GPAM: variants seen among roughly 807,000 people sequenced by gnomAD.
GPAM encodes the protein glycerol-3-phosphate acyltransferase 1, mitochondrial.
GPAM carries 56 observed loss-of-function variants against 105.0 expected under a neutral mutation model. The observed-to-expected ratio is 0.53, with a 90% CI of 0.43 to 0.67. GPAM has a LOEUF of 0.67. Among genes scored for constraint, GPAM ranks in the 30% least tolerant of loss-of-function variants. The pLI is 0.00. For synonymous variants in GPAM, 368 were observed against 354.4 expected, an observed-to-expected ratio of 1.04 and a Z score of -0.43; for missense variants, 855 against 989.8, an observed-to-expected ratio of 0.86 and a Z score of 1.83.
intron 17 of GPAM, among the ~76,000 whole-genome samples, chr10:112,159,459 G>A (rs112552569): frequency 0.018 from 2,759 of 152,012 alleles, 83 homozygotes; most frequent in African/African-American, 0.063. Context: ...TCCTGACCTC[G>A]TGATCTGCCC....
intron 1 of GPAM, among the ~76,000 whole-genome samples, chr10:112,213,098 T>C (rs185735551): frequency 6.6e-6 from 1 of 152,322 alleles, no homozygotes; most frequent in East Asian, 1.9e-4. Flanking sequence ...GCTTGGGACA[T>C]GGTCAGTGCT....
chr10:112,220,507 T>C, the GPAM span, among the ~76,000 whole-genome samples: 2 of 152,212 alleles, frequency 1.3e-5, no homozygotes, highest in East Asian at 3.8e-4. Context: ...TGCTTTTAGC[T>C]ATATGTGTTT....
upstream of GPAM, among the ~76,000 whole-genome samples, chr10:112,185,771 TCAAAAA>T (rs1036717054): frequency 1.4e-4 from 21 of 151,970 alleles, no homozygotes; most frequent in African/African-American, 4.6e-4. Flanking sequence ...AGACTCTGTC[TCAAAAA>T]CAAAAACAAA....
chr10:112,166,595 T>C, intron 11 of GPAM, 80 bp from the exon 12 acceptor site: 2 of 840,898 alleles, frequency 2.4e-6, no homozygotes, highest in Non-Finnish European at 2.1e-6. Context: ...ACAGAATAAC[T>C]TGTTTTATGG....
At position 112,153,586 on chromosome 10, in the gene GPAM, T is replaced by C; in HGVS notation, c.2451A>G (p.Lys817=). 6.2e-7 allele frequency: 1 copy of C among 1,614,002 alleles called. No homozygotes were observed. Among genetic ancestry groups the C allele is most frequent in the Non-Finnish European group, 8.5e-7 (1 of 1,179,916 alleles). ...CAAAACTCAGAATATATTCTAGAAG[T>C]TTTTGTCGGTTGCATTGAGGTAGAA... ...STFLPQCNRQ[K]LLEYILSFVV... is the part of the protein sequence containing the mutation. The change falls in exon 22 of 22, where the codon AAA becomes AAG. Residue 817 remains lysine (K), a synonymous_variant. Coordinates refer to ENST00000348367, the MANE Select transcript of GPAM (RefSeq NM_001244949.2).
chr10:112,159,216 C>CTTTTTT (rs35513817), intron 17 of GPAM, among the ~76,000 whole-genome samples: 95 of 86,950 alleles, frequency 1.1e-3, no homozygotes, highest in African/African-American at 2.4e-3. Context: ...AGATGATTTT[C>CTTTTTT]TTTTTTTTTT....
At chr10:112,158,435 T>C (rs759828328) in intron 17 of GPAM, 42 bp from the exon 18 acceptor site, 22 of 1,234,172 alleles carry the variant, frequency 1.8e-5, no homozygotes, top group Non-Finnish European at 2.5e-5. Flanking sequence ...CACCATTTTA[T>C]ACTTCTTTTT....
intron 1 of GPAM, among the ~76,000 whole-genome samples, chr10:112,213,201 A>G (rs1564692840): frequency 6.6e-6 from 1 of 152,118 alleles, no homozygotes; most frequent in Non-Finnish European, 1.5e-5. Context: ...TTCATTTCTC[A>G]CTGGCTCTTT....
intron 11 of GPAM, 151 bp downstream of exon 11, chr10:112,168,161 C>T: frequency 1.5e-6 from 1 of 667,044 alleles, no homozygotes; most frequent in Non-Finnish European, 2.7e-6. Flanking sequence ...ATGAAAGCTA[C>T]TCACCATGCC....
chr10:112,223,162 T>A, the GPAM span, among the ~76,000 whole-genome samples: 5 of 152,164 alleles, frequency 3.3e-5, no homozygotes, highest in African/African-American at 1.2e-4. Context: ...CTCTCTCCTT[T>A]CACAGGACTC....
In GPAM at chr10:112,172,321, A is replaced by G. The variant is rs1457253913; in HGVS notation, c.658-3T>C. ...AGAAACAGAAGCGGCAAATTCGTCT[A>G]GCAAAGGGAAAAATGCCAAATTTAA... On this transcript the variant is annotated splice_polypyrimidine_tract_variant and splice_region_variant and intron_variant, in intron 8 of 21. Coordinates refer to ENST00000348367, the MANE Select transcript of GPAM (RefSeq NM_001244949.2). The G allele has an allele frequency of 6.2e-7, 1 of 1,612,576 alleles. No individual in the cohort carries two copies. The highest frequency in any genetic ancestry group is 1.3e-5 in the African/African-American group (1 of 74,900).
chr10:112,181,303 A>G (rs2133268281), intron 3 of GPAM, among the ~76,000 whole-genome samples: 1 of 152,164 alleles, frequency 6.6e-6, no homozygotes, highest in South Asian at 2.1e-4. Context: ...GATTGAATTC[A>G]TACTATAAGT....
chr10:112,162,675 A>G (rs1181480258), intron 14 of GPAM, among the ~76,000 whole-genome samples: 1 of 152,186 alleles, frequency 6.6e-6, no homozygotes, highest in African/African-American at 2.4e-5. Flanking sequence ...AAAAATATTT[A>G]TAAAGAATTT....
intron 1 of GPAM, among the ~76,000 whole-genome samples, chr10:112,203,708 G>A (rs1364363374): frequency 1.3e-5 from 2 of 152,122 alleles, no homozygotes; most frequent in Admixed American, 6.6e-5. Flanking sequence ...TGTGCCACAC[G>A]CTCTCCATAC....
rs1462916444 is a variant in GPAM at position 112,151,479 on chromosome 10, C to G, written c.*2071G>C. Reference sequence around the variant, plus strand: ...GCACCAGTTAATTACAAAAAGCATGCATATTTATCCTCACAGTGAGTTAAG... The same window carrying G: ...GCACCAGTTAATTACAAAAAGCATGGATATTTATCCTCACAGTGAGTTAAG... On this transcript the variant is annotated 3_prime_UTR_variant, in exon 22 of 22. Transcript: ENST00000348367. 1 of 985,664 alleles carries G rather than the reference C, an allele frequency of 1.0e-6. No individual in the cohort carries two copies. Among genetic ancestry groups the G allele is most frequent in the Non-Finnish European group, 1.2e-6 (1 of 829,878 alleles). 61.1% of individuals were successfully genotyped at this position (985,664 alleles called of 1,614,324 possible).
At chr10:112,227,458 TG>T in the GPAM span, among the ~76,000 whole-genome samples, 3 of 152,194 alleles carry the variant, frequency 2.0e-5, no homozygotes, top group Non-Finnish European at 4.4e-5. Context: ...AGCCATAAGC[TG>T]TCTTGGTTCT....
At chr10:112,200,058 C>T (rs898928043) in intron 1 of GPAM, among the ~76,000 whole-genome samples, 1 of 151,418 alleles carries the variant, frequency 6.6e-6, no homozygotes, top group African/African-American at 2.4e-5. Context: ...TGGAAGACAG[C>T]CACACTTGGA....
At position 112,151,753 on chromosome 10, in the gene GPAM, G is replaced by A; in HGVS notation, c.*1797C>T. ...TACAATTTAAAGGATGAAAAAAAGA[G>A]ACTAGTGAAATGTTTGCTTCCCCAG... On this transcript the variant is annotated 3_prime_UTR_variant, in exon 22 of 22. Coordinates refer to ENST00000348367, the MANE Select transcript of GPAM (RefSeq NM_001244949.2). The A allele has an allele frequency of 1.0e-6, 1 of 985,062 alleles. No individual in the cohort carries two copies. Among genetic ancestry groups the A allele is most frequent in the East Asian group, 1.1e-4 (1 of 8,808 alleles). 61.0% of individuals were successfully genotyped at this position (985,062 alleles called of 1,614,324 possible).
the GPAM span, among the ~76,000 whole-genome samples, chr10:112,225,342 G>A: frequency 2.3e-4 from 35 of 152,194 alleles, no homozygotes; most frequent in Non-Finnish European, 1.0e-4. Context: ...TGAGGGTGGG[G>A]ACCATTGAGT....
Sources: gnomAD v4.1 joint callset for allele counts (sites outside exome capture counted in the v4.1 genomes callset) on GRCh38, gnomAD v4.1.1 for gene constraint, MANE v1.5 for transcripts, NCBI Gene and HGNC (gene_info 2026-07-23, HGNC 2026-07-21) for gene names.